The following TENM2 variants were observed in gnomAD, a reference collection of about 807,000 sequenced individuals.
TENM2 encodes the protein teneurin transmembrane protein 2.
TENM2 carries 52 observed loss-of-function variants against 245.2 expected under a neutral mutation model. The observed-to-expected ratio is 0.21, with a 90% CI of 0.17 to 0.27. The LOEUF is 0.27. Ranked by LOEUF, TENM2 falls within the 10% of genes least tolerant of loss-of-function variation. The pLI is 1.00. For missense variants in TENM2, 3,046 were observed against 3,666.8 expected (o/e 0.83, Z 4.37); for synonymous variants, 1,363 against 1,438.9 (o/e 0.95, Z 1.19).
chr5:167,897,480 C>A (rs1269014094), intron 3 of TENM2, among the ~76,000 whole-genome samples: 2 of 152,206 alleles, frequency 1.3e-5, no homozygotes, highest in East Asian at 1.9e-4. Flanking sequence ...GATTTATAAA[C>A]CCCATTCCAG....
chr5:167,139,498 C>G, the TENM2 span, among the ~76,000 whole-genome samples: 303 of 152,336 alleles, frequency 2.0e-3, no homozygotes, highest in Non-Finnish European at 3.6e-3. Flanking sequence ...CTCTAAACTG[C>G]AAACAAATTC....
intron 2 of TENM2, among the ~76,000 whole-genome samples, chr5:167,647,582 C>T (rs1780045687): frequency 2.0e-5 from 3 of 152,022 alleles, no homozygotes; most frequent in Admixed American, 1.3e-4. Context: ...GAGATCGCGC[C>T]ATTGCTCTCC....
chr5:167,909,404 G>A (rs990125992), intron 3 of TENM2, among the ~76,000 whole-genome samples: 4 of 152,142 alleles, frequency 2.6e-5, no homozygotes, highest in African/African-American at 9.6e-5. Flanking sequence ...GCTGCAACCT[G>A]TGCATGTACC....
intron 2 of TENM2, among the ~76,000 whole-genome samples, chr5:167,682,453 G>T (rs530434997): frequency 9.2e-5 from 14 of 152,104 alleles, no homozygotes; most frequent in Middle Eastern, 3.4e-3. Context: ...ATGAGCCACC[G>T]TGCCTGGATG....
the TENM2 span, among the ~76,000 whole-genome samples, chr5:167,059,394 A>C: frequency 6.6e-6 from 1 of 152,188 alleles, no homozygotes; most frequent in Non-Finnish European, 1.5e-5. Context: ...TATTTATTCC[A>C]TTATGTAGCT....
intron 19 of TENM2, among the ~76,000 whole-genome samples, chr5:168,207,342 G>T (rs1190431850): frequency 2.0e-5 from 3 of 152,234 alleles, no homozygotes; most frequent in African/African-American, 7.2e-5. Flanking sequence ...TCGAGTTGTG[G>T]AGGCCACAAC....
At chr5:168,156,261 A>AAAAAAAAC (rs1757167682) in intron 12 of TENM2, among the ~76,000 whole-genome samples, 1 of 150,624 alleles carries the variant, frequency 6.6e-6, no homozygotes, top group Non-Finnish European at 1.5e-5. Context: ...AAAAAAAAAA[A>AAAAAAAAC]AAAAACACTT....
At chr5:167,785,194 T>G (rs959808527) in intron 2 of TENM2, among the ~76,000 whole-genome samples, 1 of 152,234 alleles carries the variant, frequency 6.6e-6, no homozygotes, top group Non-Finnish European at 1.5e-5. Context: ...GCCTATCCTG[T>G]TTTATCCTAG....
At chr5:167,850,099 C>T (rs1770438336) in intron 2 of TENM2, among the ~76,000 whole-genome samples, 1 of 152,194 alleles carries the variant, frequency 6.6e-6, no homozygotes, top group African/African-American at 2.4e-5. Flanking sequence ...CCAGCCCCCA[C>T]ATCCCAAAGC....
In TENM2 at chr5:167,993,019, A is replaced by T. The variant is rs557069135; in HGVS notation, c.1023A>T (p.Ser341=). 54 of 1,613,948 alleles carry T rather than the reference A, an allele frequency of 3.3e-5. No homozygotes were observed. The Admixed American group carries it at 8.0e-4, about 24-fold the overall frequency. Residue 341 remains serine, a synonymous_variant, in exon 5 of 29, where the codon TCA becomes TCT. Transcript: ENST00000518659. Reference sequence around the variant, plus strand: ...CTTCCCCGGGATACCCTTTGACCTCAGGAACGGTTTACACGCCCCCGCCCC... The same window carrying T: ...CTTCCCCGGGATACCCTTTGACCTCTGGAACGGTTTACACGCCCCCGCCCC...
intron 2 of TENM2, among the ~76,000 whole-genome samples, chr5:167,471,829 A>G (rs571239003): frequency 6.6e-6 from 1 of 152,296 alleles, no homozygotes; most frequent in East Asian, 1.9e-4. Flanking sequence ...TCTCCAATTC[A>G]CAGCATTGCA....
the TENM2 span, among the ~76,000 whole-genome samples, chr5:167,185,047 G>T: frequency 6.6e-6 from 1 of 152,158 alleles, no homozygotes; most frequent in Non-Finnish European, 1.5e-5. Context: ...CTCACCTCCT[G>T]CTGTGTGGCC....
chr5:167,448,032 A>G (rs753809073), intron 2 of TENM2, among the ~76,000 whole-genome samples: 2 of 152,222 alleles, frequency 1.3e-5, no homozygotes, highest in East Asian at 3.8e-4. Context: ...AAATAGAGAA[A>G]AATGAACAGT....
intron 2 of TENM2, among the ~76,000 whole-genome samples, chr5:167,569,528 G>A (rs1180873018): frequency 6.6e-6 from 1 of 152,156 alleles, no homozygotes; most frequent in Non-Finnish European, 1.5e-5. Flanking sequence ...GAAGACAAGG[G>A]TTAATATCCT....
intron 2 of TENM2, among the ~76,000 whole-genome samples, chr5:167,716,929 T>C (rs137994365): frequency 3.9e-5 from 5 of 127,136 alleles, no homozygotes; most frequent in African/African-American, 9.5e-5. Flanking sequence ...TTATTTTATT[T>C]TATTTTATTT....
chr5:167,523,634 T>C (rs986508527), intron 2 of TENM2, among the ~76,000 whole-genome samples: 51 of 152,286 alleles, frequency 3.3e-4, no homozygotes, highest in Non-Finnish European at 4.7e-4. Context: ...ACATTTGCTG[T>C]GAGGGCTGCA....
chr5:167,451,997 T>C (rs989939657), intron 2 of TENM2, among the ~76,000 whole-genome samples: 5 of 152,054 alleles, frequency 3.3e-5, no homozygotes, highest in Non-Finnish European at 7.4e-5. Flanking sequence ...TTCCTCAAAA[T>C]TGGGGGAGAA....
At chr5:168,105,134 A>G (rs1390743825) in intron 9 of TENM2, among the ~76,000 whole-genome samples, 5 of 152,194 alleles carry the variant, frequency 3.3e-5, no homozygotes, top group Admixed American at 3.3e-4. Context: ...TGGGGGAGTA[A>G]GTTCCCCTGG....
the TENM2 span, among the ~76,000 whole-genome samples, chr5:167,108,235 C>G: frequency 6.6e-6 from 1 of 152,176 alleles, no homozygotes; most frequent in African/African-American, 2.4e-5. Flanking sequence ...AAGTGATTCT[C>G]ATGCCTCAGT....
Sources: gnomAD v4.1 joint callset for allele counts (sites outside exome capture counted in the v4.1 genomes callset) on GRCh38, gnomAD v4.1.1 for gene constraint, MANE v1.5 for transcripts, NCBI Gene and HGNC (gene_info 2026-07-23, HGNC 2026-07-21) for gene names.